FAM120AOS: variants seen among roughly 807,000 people sequenced by gnomAD.
The protein encoded by FAM120AOS is family with sequence similarity 120 member A opposite strand, also known as uncharacterized protein FAM120AOS.
A neutral mutation model predicts 20.2 loss-of-function variants in FAM120AOS; 15 were observed. The observed-to-expected ratio is 0.74, with a 90% CI of 0.50 to 1.15. The LOEUF (loss-of-function observed/expected upper bound fraction) is 1.15, where lower values mean the gene tolerates loss of function less well. FAM120AOS is among the 50% of genes most tolerant of loss of function. The pLI is 0.00. For synonymous variants in FAM120AOS, 154 were observed against 154.0 expected, an observed-to-expected ratio of 1.00 and a Z score of 0.00; for missense variants, 327 against 351.9, an observed-to-expected ratio of 0.93 and a Z score of 0.57.
chr9:93,451,822 C>T lies in FAM120AOS; in HGVS notation c.563+325G>A. On this transcript the variant is annotated intron_variant, in intron 1 of 2. Transcript: ENST00000375412. Reference sequence around the variant, plus strand: ...CCCCAGTCCCCCCTAGAGGCCGCCGCCCCCGCCCGCCAGCCCGCCCGCGCG... The same window carrying T: ...CCCCAGTCCCCCCTAGAGGCCGCCGTCCCCGCCCGCCAGCCCGCCCGCGCG... 4.1e-6 allele frequency: 4 copies of T among 964,650 alleles called. No homozygotes were observed. The South Asian group carries it at 1.8e-4, about 45-fold the overall frequency. The allele number at this position is 964,650 out of a possible 1,614,324, so 59.8% of individuals were successfully genotyped here.
At position 93,453,279 on chromosome 9, in the gene FAM120AOS, C is replaced by T. The variant is rs1857370404; in HGVS notation, c.-570G>A. 1 of 988,010 alleles carries T rather than the reference C, an allele frequency of 1.0e-6. No individual in the cohort carries two copies. The highest frequency in any genetic ancestry group is 1.2e-6 in the Non-Finnish European group (1 of 831,760). 61.2% of individuals were successfully genotyped at this position (988,010 alleles called of 1,614,324 possible). ...ATCAGAGCTCTATATCACCGGCCTC[C>T]TCTGGCCCTTTGGCAGAGGGCTTCG... On this transcript the variant is annotated 5_prime_UTR_variant, in exon 1 of 3. Transcript: ENST00000375412.
At chr9:93,451,172 C>T in intron 1 of FAM120AOS, 4 of 1,550,050 alleles carry the variant, frequency 2.6e-6, no homozygotes, top group Middle Eastern at 1.7e-4. Context: ...TCTCCCGGAC[C>T]CCGCAGTCAG....
chr9:93,452,138 C>G lies in FAM120AOS; in HGVS notation c.563+9G>C. Reference sequence around the variant, plus strand: ...CAGCGGCGGCCAGTGGAACCACATGCTTGGCTACCTGGCGGCGCTGGCCAA... The same window carrying G: ...CAGCGGCGGCCAGTGGAACCACATGGTTGGCTACCTGGCGGCGCTGGCCAA... On this transcript the variant is annotated intron_variant, in intron 1 of 2. Transcript: ENST00000375412. This position sits in a 1 kb window ranked among gnomAD's most constrained non-coding sequence, Gnocchi z 7.0. 1 of 1,611,740 alleles carries G rather than the reference C, an allele frequency of 6.2e-7. No individual in the cohort carries two copies. The highest frequency in any genetic ancestry group is 1.3e-5 in the African/African-American group (1 of 75,058).
In FAM120AOS at chr9:93,452,311, G is replaced by A; in HGVS notation, c.399C>T (p.Gly133=). 1 of 1,612,960 alleles carries A rather than the reference G, an allele frequency of 6.2e-7. No homozygotes were observed. Among genetic ancestry groups the A allele is most frequent in the Non-Finnish European group, 8.5e-7 (1 of 1,179,868 alleles). Residue 133 remains glycine, a synonymous_variant, in exon 1 of 3, where the codon GGC becomes GGT. Coordinates refer to ENST00000375412, the MANE Select transcript of FAM120AOS (RefSeq NM_198841.4). This position sits in a 1 kb window ranked among gnomAD's most constrained non-coding sequence, Gnocchi z 7.0. ...GCCATGTCCAGAACAAGGGCACCCC[G>A]CCGCCAAAGGTCTGGTTCCTGCCGC... ...QTGGRNQTFG[G]GVPLFWTWLT...
Position 93,452,729 on chromosome 9 carries a change from C to A in FAM120AOS, c.-20G>T. 6.3e-7 allele frequency: 1 copy of A among 1,598,150 alleles called. No homozygotes were observed. Among genetic ancestry groups the A allele is most frequent in the Non-Finnish European group, 8.5e-7 (1 of 1,179,772 alleles). ...TCCCATCCTATTTGAGGCGGGCAGG[C>A]TATCACTCACCTTCAACTTTGACAA... is the stretch of plus-strand genomic sequence containing the variant. On this transcript the variant is annotated 5_prime_UTR_variant, in exon 1 of 3. Coordinates refer to ENST00000375412, the MANE Select transcript of FAM120AOS (RefSeq NM_198841.4). This position sits in a 1 kb window ranked among gnomAD's most constrained non-coding sequence, Gnocchi z 7.0.
Position 93,444,007 on chromosome 9 carries a change from A to T in FAM120AOS, c.*3604T>A, listed in dbSNP as rs961001103. ...TTTTCCTGCTCCTCTGGCTGGAAAG[A>T]CAGGTTTTCTCTCAGGGGAATTTTT... On this transcript the variant is annotated 3_prime_UTR_variant, in exon 3 of 3. Coordinates refer to ENST00000375412, the MANE Select transcript of FAM120AOS (RefSeq NM_198841.4). 1.3e-5 allele frequency among the ~76,000 whole-genome samples: 2 copies of T among 152,142 alleles called. No homozygotes were observed. The highest frequency in any genetic ancestry group is 4.8e-5 in the African/African-American group (2 of 41,436).
In FAM120AOS at chr9:93,446,527, A is replaced by G. The variant is rs781384075; in HGVS notation, c.*1084T>C. ...ACATTGTAAAATATAGTTTACTTCA[A>G]AAGATGATCCTGAAGATCCCATCAC... On this transcript the variant is annotated 3_prime_UTR_variant, in exon 3 of 3. Coordinates refer to ENST00000375412, the MANE Select transcript of FAM120AOS (RefSeq NM_198841.4). The G allele has an allele frequency of 1.2e-4, 18 of 152,246 alleles. No homozygotes were observed. The highest frequency in any genetic ancestry group is 1.2e-3 in the Admixed American group (18 of 15,284). The allele number at this position is 152,246 out of a possible 1,614,324, so 9.4% of individuals were successfully genotyped here. A position where few individuals can be genotyped will look rare whatever the true frequency, so the allele number is the denominator to read the frequency against.
chr9:93,449,965 G>T (rs1857033826), intron 2 of FAM120AOS, among the ~76,000 whole-genome samples: 1 of 151,982 alleles, frequency 6.6e-6, no homozygotes, highest in Non-Finnish European at 1.5e-5. Context: ...TTATTTAATG[G>T]CTAACTGTAT....
chr9:93,450,591 C>CA lies in FAM120AOS; in HGVS notation c.571dup (p.Cys191LeufsTer2). The CA allele has an allele frequency of 6.2e-7, 1 of 1,606,356 alleles. No homozygotes were observed. The highest frequency in any genetic ancestry group is 8.5e-7 in the Non-Finnish European group (1 of 1,176,830). ...CTGTCGGTTGCATCCTGCTCCTCTA[C>CA]AGAGGTTTCTCCAAAAAAAGAACAA... On this transcript the variant is annotated frameshift_variant, in exon 2 of 3. Transcript: ENST00000375412. LOFTEE classifies it high-confidence loss of function.
Position 93,450,383 on chromosome 9 carries a change from T to C in FAM120AOS, c.684+96A>G, listed in dbSNP as rs182605932. 11,115 of 1,482,678 alleles carry C rather than the reference T, an allele frequency of 7.5e-3. 60 individuals are homozygous for C. Among genetic ancestry groups the C allele is most frequent in the Middle Eastern group, 9.5e-3 (52 of 5,472 alleles). The allele number at this position is 1,482,678 out of a possible 1,614,324, so 91.8% of individuals were successfully genotyped here. A position where few individuals can be genotyped will look rare whatever the true frequency, so the allele number is the denominator to read the frequency against. ...TTGTCAGCCTGCTTTTAAATGTAAC[T>C]TCCTAAAATACCAGCAGCATTTAAT... is the stretch of plus-strand genomic sequence containing the variant. On this transcript the variant is annotated intron_variant, in intron 2 of 2. Coordinates refer to ENST00000375412, the MANE Select transcript of FAM120AOS (RefSeq NM_198841.4).
Position 93,444,436 on chromosome 9 carries a change from CCCATTTA to C in FAM120AOS, c.*3168_*3174del, listed in dbSNP as rs1308674629. Among the ~76,000 whole-genome samples the C allele has an allele frequency of 6.6e-6, 1 of 152,158 alleles. No homozygotes were observed. The highest frequency in any genetic ancestry group is 1.5e-5 in the Non-Finnish European group (1 of 68,028). ...GCCACACTTTCTAGCTTGCCGGGCC[CCCATTTA>C]CCAGAATGTTTTAAGAAAGTTCCAG... On this transcript the variant is annotated 3_prime_UTR_variant, in exon 3 of 3. Coordinates refer to ENST00000375412, the MANE Select transcript of FAM120AOS (RefSeq NM_198841.4).
chr9:93,447,588 C>T lies in FAM120AOS; in HGVS notation c.*23G>A. On this transcript the variant is annotated 3_prime_UTR_variant, in exon 3 of 3. Transcript: ENST00000375412. ...GTGGTTTCTTGTCCTTTCAATGCCT[C>T]TGCAGAACTTGACCCTAGTTTTTCA... The T allele has an allele frequency of 6.2e-7, 1 of 1,608,972 alleles. No homozygotes were observed. The highest frequency in any genetic ancestry group is 8.5e-7 in the Non-Finnish European group (1 of 1,175,830).
intron 1 of FAM120AOS, 101 bp from the exon 2 acceptor site, chr9:93,450,700 A>T (rs1184487458): frequency 6.6e-7 from 1 of 1,522,446 alleles, no homozygotes; most frequent in Admixed American, 1.9e-5. Context: ...AAAGACATTA[A>T]TCTCTTTTTG....
chr9:93,452,627 A>T lies in FAM120AOS; in HGVS notation c.83T>A (p.Val28Asp). 6.3e-7 allele frequency: 1 copy of T among 1,599,098 alleles called. No individual in the cohort carries two copies. Among genetic ancestry groups the T allele is most frequent in the Non-Finnish European group, 8.5e-7 (1 of 1,179,848 alleles). Reference sequence around the variant, plus strand: ...GTTCGGGGTCCGCGGCCGCGTGGGGACACTTGAGGGCTGGGAGAGAGCCCC... The same window carrying T: ...GTTCGGGGTCCGCGGCCGCGTGGGGTCACTTGAGGGCTGGGAGAGAGCCCC... ...WSGALSQPSS[V>D]PTRPRTPNRD... is the part of the protein sequence containing the mutation. The change falls in exon 1 of 3, where the codon GTC becomes GAC. Residue 28 changes from valine to aspartate, a missense_variant. Transcript: ENST00000375412. This position sits in a 1 kb window ranked among gnomAD's most constrained non-coding sequence, Gnocchi z 7.0.
Position 93,446,766 on chromosome 9 carries a change from A to C in FAM120AOS, c.*845T>G, listed in dbSNP as rs1856857494. Reference sequence around the variant, plus strand: ...TCCATGAGAACAACTCTTCTCTTCCACATAGATATTTTTGCATCAGCCCAA... The same window carrying C: ...TCCATGAGAACAACTCTTCTCTTCCCCATAGATATTTTTGCATCAGCCCAA... On this transcript the variant is annotated 3_prime_UTR_variant, in exon 3 of 3. Transcript: ENST00000375412. 6.6e-6 allele frequency: 1 copy of C among 152,170 alleles called. No homozygotes were observed. The highest frequency in any genetic ancestry group is 1.5e-5 in the Non-Finnish European group (1 of 68,034). The allele number at this position is 152,170 out of a possible 1,614,324, so 9.4% of individuals were successfully genotyped here. A position where few individuals can be genotyped will look rare whatever the true frequency, so the allele number is the denominator to read the frequency against.
At chr9:93,448,838 T>C (rs1856961036) in intron 2 of FAM120AOS, among the ~76,000 whole-genome samples, 1 of 152,076 alleles carries the variant, frequency 6.6e-6, no homozygotes, top group Admixed American at 6.5e-5. Flanking sequence ...TTAGCCAGGA[T>C]GGTCTGGATT....
intron 2 of FAM120AOS, 37 bp from the exon 3 acceptor site, chr9:93,447,734 T>C (rs1054268894): frequency 1.3e-6 from 2 of 1,547,774 alleles, no homozygotes; most frequent in African/African-American, 1.4e-5. Context: ...TATATATTAG[T>C]TTGGAATATG....
chr9:93,443,526 T>C lies in FAM120AOS; in HGVS notation c.*4085A>G, dbSNP rs1856759529. On this transcript the variant is annotated 3_prime_UTR_variant, in exon 3 of 3. Coordinates refer to ENST00000375412, the MANE Select transcript of FAM120AOS (RefSeq NM_198841.4). ...GCTGTGCAGTGAGGACTGTCTGTTT[T>C]ATGTTGGGAGACTCTGTGTTCTGCT... 6.6e-6 allele frequency among the ~76,000 whole-genome samples: 1 copy of C among 152,256 alleles called. No homozygotes were observed. The highest frequency in any genetic ancestry group is 2.1e-4 in the South Asian group (1 of 4,836).
chr9:93,450,056 C>T (rs924107998), intron 2 of FAM120AOS, among the ~76,000 whole-genome samples: 7 of 151,798 alleles, frequency 4.6e-5, no homozygotes, highest in Non-Finnish European at 1.0e-4. Flanking sequence ...GTGCCATCTC[C>T]GCTGACTGCA....
Sources: gnomAD v4.1 joint callset for allele counts (sites outside exome capture counted in the v4.1 genomes callset) on GRCh38, gnomAD v4.1.1 for gene constraint, Gnocchi (gnomAD v3.1) non-coding constraint, MANE v1.5 for transcripts, NCBI Gene and HGNC (gene_info 2026-07-23, HGNC 2026-07-21) for gene names.